The following SNX27 variants were observed in gnomAD, a reference collection of about 807,000 sequenced individuals.
SNX27 encodes sorting nexin-27.
Under a neutral mutation model 71.6 loss-of-function variants are expected in SNX27, and 22 were observed. That is an observed-to-expected ratio of 0.31 (90% CI 0.22 to 0.44). SNX27 has a LOEUF of 0.44. SNX27 is among the 20% of genes least tolerant of loss of function. The pLI is 1.00. For synonymous variants in SNX27, 269 were observed against 277.2 expected, an observed-to-expected ratio of 0.97 and a Z score of 0.29; for missense variants, 531 against 698.6, an observed-to-expected ratio of 0.76 and a Z score of 2.70.
At chr1:151,681,235 C>CTT (rs762924986) in intron 7 of SNX27, among the ~76,000 whole-genome samples, 804 of 60,652 alleles carry the variant, frequency 0.013, 14 homozygotes, top group Middle Eastern at 0.019. Context: ...GTCTCTCAAT[C>CTT]TTTTTTTTTT....
At chr1:151,644,014 G>A (rs1191853608) in intron 2 of SNX27, among the ~76,000 whole-genome samples, 1 of 152,098 alleles carries the variant, frequency 6.6e-6, no homozygotes, top group Admixed American at 6.6e-5. Flanking sequence ...TCACACCACT[G>A]CACTCTAGTT....
chr1:151,654,612 A>G (rs1669589395), intron 2 of SNX27, among the ~76,000 whole-genome samples: 1 of 152,134 alleles, frequency 6.6e-6, no homozygotes, highest in Non-Finnish European at 1.5e-5. Flanking sequence ...TTAATAGAAT[A>G]ACACAGATTG....
intron 1 of SNX27, among the ~76,000 whole-genome samples, chr1:151,621,066 G>A (rs947804063): frequency 9.2e-5 from 14 of 152,060 alleles, no homozygotes; most frequent in African/African-American, 3.1e-4. Context: ...AAGACGGGGG[G>A]GAAACTTAAT....
In SNX27 at chr1:151,660,318, A is replaced by G. The variant is rs574234468; in HGVS notation, c.737-480A>G. On this transcript the variant is annotated intron_variant, in intron 3 of 11. Coordinates refer to ENST00000458013, the MANE Select transcript of SNX27 (RefSeq NM_001330723.2). ...GGTGAAATTATGTGAATTCTTAATT[A>G]CCTACCCCAGTTTTCCCAAAATAGC... 5 of 149,654 alleles carry G rather than the reference A, an allele frequency of 3.3e-5. No homozygotes were observed. The South Asian group carries it at 1.1e-3, about 32-fold the overall frequency. The allele number at this position is 149,654 out of a possible 1,614,324, so 9.3% of individuals were successfully genotyped here.
chr1:151,623,082 C>A (rs1667748015), intron 1 of SNX27, among the ~76,000 whole-genome samples: 1 of 152,074 alleles, frequency 6.6e-6, no homozygotes, highest in Admixed American at 6.5e-5. Context: ...AAGTGATTAT[C>A]CTGCCTCAGC....
chr1:151,632,271 C>T (rs996660006), intron 1 of SNX27, among the ~76,000 whole-genome samples: 2 of 152,062 alleles, frequency 1.3e-5, no homozygotes, highest in Admixed American at 1.3e-4. Flanking sequence ...GATTCTCCTG[C>T]CTCAGCCTTC....
chr1:151,642,555 C>T (rs566523668), intron 2 of SNX27, among the ~76,000 whole-genome samples: 1 of 152,026 alleles, frequency 6.6e-6, no homozygotes, highest in South Asian at 2.1e-4. Context: ...TCTACCTAAC[C>T]CAAGGACACC....
Position 151,644,502 on chromosome 1 carries a change from A to G in SNX27, c.543+5383A>G, listed in dbSNP as rs919989471. Among the ~76,000 whole-genome samples, 4 of 152,088 alleles carry G rather than the reference A, an allele frequency of 2.6e-5. No homozygotes were observed. The South Asian group carries it at 8.3e-4, about 32-fold the overall frequency. On this transcript the variant is annotated intron_variant, in intron 2 of 11. Coordinates refer to ENST00000458013, the MANE Select transcript of SNX27 (RefSeq NM_001330723.2). ...TCCATTATATGGATATACCACTTTT[A>G]TTTATCCATTCTTCAATTGATGGAC... is the stretch of plus-strand genomic sequence containing the variant.
intron 8 of SNX27, 62 bp downstream of exon 8, chr1:151,683,507 C>T (rs1571868712): frequency 2.4e-6 from 3 of 1,270,480 alleles, no homozygotes; most frequent in East Asian, 4.8e-5. Flanking sequence ...AACCTATAGT[C>T]CTAGTCATTT....
At chr1:151,668,236 C>T (rs1670298419) in intron 6 of SNX27, among the ~76,000 whole-genome samples, 1 of 152,110 alleles carries the variant, frequency 6.6e-6, no homozygotes, top group Non-Finnish European at 1.5e-5. Context: ...ACTTGTCATT[C>T]AAGTGATAGG....
intron 7 of SNX27, among the ~76,000 whole-genome samples, chr1:151,681,556 T>C (rs1670967801): frequency 6.6e-6 from 1 of 152,172 alleles, no homozygotes; most frequent in Non-Finnish European, 1.5e-5. Flanking sequence ...TGACTTAATC[T>C]TGAACTCATT....
At chr1:151,662,404 T>C in intron 5 of SNX27, 134 bp downstream of exon 5, 3 of 518,804 alleles carry the variant, frequency 5.8e-6, no homozygotes, top group Non-Finnish European at 1.0e-5. Flanking sequence ...GCTACTATTG[T>C]TATTATTAAT....
rs1453282969 is a variant in SNX27 at position 151,612,122 on chromosome 1, C to T, written c.-80C>T. 2 of 1,266,652 alleles carry T rather than the reference C, an allele frequency of 1.6e-6. No individual in the cohort carries two copies. Among genetic ancestry groups the T allele is most frequent in the Non-Finnish European group, 1.0e-6 (1 of 1,001,498 alleles). The allele number at this position is 1,266,652 out of a possible 1,614,324, so 78.5% of individuals were successfully genotyped here. On this transcript the variant is annotated 5_prime_UTR_variant, in exon 1 of 12. Coordinates refer to ENST00000458013, the MANE Select transcript of SNX27 (RefSeq NM_001330723.2). The surrounding 1 kb of genome is among the most constrained non-coding windows in gnomAD (Gnocchi z 5.2). ...ATCGGGCGCGCGCGTCGGGGGTCGT[C>T]CGGCTGCCAGGCAGGGCGAGCACGC...
chr1:151,656,439 A>G (rs1669697099), intron 2 of SNX27, among the ~76,000 whole-genome samples: 1 of 152,210 alleles, frequency 6.6e-6, no homozygotes, highest in African/African-American at 2.4e-5. Flanking sequence ...GAGATATTAA[A>G]CATCATTAGT....
At chr1:151,673,805 T>C (rs2102704317) in intron 7 of SNX27, among the ~76,000 whole-genome samples, 1 of 152,310 alleles carries the variant, frequency 6.6e-6, no homozygotes, top group Non-Finnish European at 1.5e-5. Context: ...CTTTGTCTTG[T>C]CCTATATTTT....
At chr1:151,631,463 G>A (rs1478370575) in intron 1 of SNX27, among the ~76,000 whole-genome samples, 4 of 152,034 alleles carry the variant, frequency 2.6e-5, no homozygotes, top group Admixed American at 2.0e-4. Context: ...TGTGCCTTAT[G>A]GGCTAAAATA....
intron 2 of SNX27, among the ~76,000 whole-genome samples, chr1:151,652,062 G>A (rs1020300070): frequency 1.3e-5 from 2 of 152,088 alleles, no homozygotes; most frequent in Admixed American, 6.6e-5. Flanking sequence ...GTGGCGGCGC[G>A]AGCCTGCAAT....
chr1:151,616,668 C>G (rs973029588), intron 1 of SNX27, among the ~76,000 whole-genome samples: 1 of 152,168 alleles, frequency 6.6e-6, no homozygotes, highest in African/African-American at 2.4e-5. Flanking sequence ...TCTCAAAAGC[C>G]GCTTTCTCAA....
chr1:151,662,475 T>G lies in SNX27; in HGVS notation c.906+205T>G, dbSNP rs1670004395. 20 of 331,510 alleles carry G rather than the reference T, an allele frequency of 6.0e-5. No individual in the cohort carries two copies. In the South Asian group the frequency reaches 6.7e-4, roughly 11 times the overall value. The allele number at this position is 331,510 out of a possible 1,614,324, so 20.5% of individuals were successfully genotyped here. ...GGTAAATATCCCAGGTTGTAGTAGT[T>G]GTGATTAACGCCTCCTTTTTTTTTG... On this transcript the variant is annotated intron_variant, in intron 5 of 11. Coordinates refer to ENST00000458013, the MANE Select transcript of SNX27 (RefSeq NM_001330723.2).
Sources: gnomAD v4.1 joint callset for allele counts (sites outside exome capture counted in the v4.1 genomes callset) on GRCh38, gnomAD v4.1.1 for gene constraint, Gnocchi (gnomAD v3.1) non-coding constraint, MANE v1.5 for transcripts, NCBI Gene and HGNC (gene_info 2026-07-23, HGNC 2026-07-21) for gene names.